The following MPV17L variants were observed in gnomAD, a reference collection of about 807,000 sequenced individuals.
MPV17L encodes the protein mpv17-like protein.
MPV17L carries 24 observed loss-of-function variants against 25.8 expected under a neutral mutation model. The ratio of observed to expected loss-of-function variants is 0.93; its 90% CI spans 0.67 to 1.31. MPV17L has a LOEUF of 1.31. Ranked by LOEUF, MPV17L falls within the 50% of genes most tolerant of loss-of-function variation. The pLI is 0.00. For missense variants in MPV17L, 250 were observed against 265.6 expected (o/e 0.94, Z 0.41); for synonymous variants, 102 against 115.3 (o/e 0.88, Z 0.74).
rs1347656586 is a variant in MPV17L at position 15,413,157 on chromosome 16, A to T, written c.*5045A>T. 4 of 152,174 alleles carry T rather than the reference A, an allele frequency of 2.6e-5. No homozygotes were observed. The highest frequency in any genetic ancestry group is 9.7e-5 in the African/African-American group (4 of 41,442). The allele number at this position is 152,174 out of a possible 1,614,324, so 9.4% of individuals were successfully genotyped here. The stretch of plus-strand genomic sequence containing the variant: ...CATCTTCTGAGAGTATTAAAAAGTT[A>T]ATGGGTTTTTGTGCCTGAAGATTTT... On this transcript the variant is annotated 3_prime_UTR_variant, in exon 4 of 4. Transcript: ENST00000396385.
chr16:15,397,819 G>GC (rs77886718), intron 1 of MPV17L, among the ~76,000 whole-genome samples: 81,669 of 151,806 alleles, frequency 0.54, 22,817 homozygotes, highest in Non-Finnish European at 0.62. Context: ...TGTCATTGCG[G>GC]CCAACTACAT....
chr16:15,407,505 T>C (rs1326946532), intron 2 of MPV17L, among the ~76,000 whole-genome samples: 2 of 57,872 alleles, frequency 3.5e-5, no homozygotes, highest in East Asian at 6.1e-4. Flanking sequence ...CACTTTGGGA[T>C]GCCGAGGTGG....
Position 15,409,815 on chromosome 16 carries a change from G to A in MPV17L, c.*1703G>A, listed in dbSNP as rs1314634615. The A allele has an allele frequency of 6.6e-6, 1 of 152,226 alleles. No individual in the cohort carries two copies. The highest frequency in any genetic ancestry group is 1.9e-4 in the East Asian group (1 of 5,198). The allele number at this position is 152,226 out of a possible 1,614,324, so 9.4% of individuals were successfully genotyped here. On this transcript the variant is annotated 3_prime_UTR_variant, in exon 4 of 4. Transcript: ENST00000396385. ...GGCATGAGCCACCGCACCTGGCTCA[G>A]TAAGTACATTTTTTATTATCAAAAA...
In MPV17L at chr16:15,407,822, A is replaced by G. The variant is rs781577467; in HGVS notation, c.382-2A>G. The G allele has an allele frequency of 1.2e-6, 2 of 1,607,864 alleles. No individual in the cohort carries two copies. Among genetic ancestry groups the G allele is most frequent in the Non-Finnish European group, 1.7e-6 (2 of 1,178,074 alleles). ...GTTGCTTTTTTTTTTTCCCAATTCCAGAGTGGACTGATGTACTGGCCCTTT... is the reference window on the plus strand; with the variant it reads ...GTTGCTTTTTTTTTTTCCCAATTCCGGAGTGGACTGATGTACTGGCCCTTT... On this transcript the variant is annotated splice_acceptor_variant, in intron 2 of 3. Transcript: ENST00000396385. LOFTEE classifies it high-confidence loss of function.
At chr16:15,403,982 T>C (rs1460532268) in intron 2 of MPV17L, among the ~76,000 whole-genome samples, 2 of 151,384 alleles carry the variant, frequency 1.3e-5, no homozygotes, top group African/African-American at 4.8e-5. Context: ...CCTCGCCAAC[T>C]TGATGAAATC....
chr16:15,406,803 G>C (rs62039095), intron 2 of MPV17L, among the ~76,000 whole-genome samples: 5,372 of 152,124 alleles, frequency 0.035, 154 homozygotes, highest in African/African-American at 0.071. Context: ...TCAGGCACCT[G>C]TGATCCCAGC....
At position 15,411,909 on chromosome 16, in the gene MPV17L, T is replaced by C. The variant is rs776958212; in HGVS notation, c.*3797T>C. 6.6e-6 allele frequency: 1 copy of C among 152,094 alleles called. No individual in the cohort carries two copies. Among genetic ancestry groups the C allele is most frequent in the Non-Finnish European group, 1.5e-5 (1 of 68,014 alleles). 9.4% of individuals were successfully genotyped at this position (152,094 alleles called of 1,614,324 possible). On this transcript the variant is annotated 3_prime_UTR_variant, in exon 4 of 4. Transcript: ENST00000396385. ...ATAGGTTGTAGTGAGCCGATAAATA[T>C]AAAAAGTATTAAAGTACTAACAGAA...
In MPV17L at chr16:15,411,113, TC is replaced by T. The variant is rs2050729595; in HGVS notation, c.*3004del. 6.6e-6 allele frequency: 1 copy of T among 152,240 alleles called. No individual in the cohort carries two copies. Among genetic ancestry groups the T allele is most frequent in the South Asian group, 2.1e-4 (1 of 4,836 alleles). The allele number at this position is 152,240 out of a possible 1,614,324, so 9.4% of individuals were successfully genotyped here. On this transcript the variant is annotated 3_prime_UTR_variant, in exon 4 of 4. Coordinates refer to ENST00000396385, the MANE Select transcript of MPV17L (RefSeq NM_001128423.2). ...TGGGCATGGTGGCGGGCGCCTGTAG[TC>T]CCAGCTGCTCTGGAGGCTGAGGCAG... is the stretch of plus-strand genomic sequence containing the variant.
chr16:15,400,982 T>G, intron 2 of MPV17L, 125 bp downstream of exon 2: 1 of 522,690 alleles, frequency 1.9e-6, no homozygotes. Flanking sequence ...TTGACACATA[T>G]AAGTACATAT....
At chr16:15,407,629 A>C (rs1177341737) in intron 2 of MPV17L, among the ~76,000 whole-genome samples, 195 bp from the exon 3 acceptor site, 3 of 152,016 alleles carry the variant, frequency 2.0e-5, no homozygotes, top group Non-Finnish European at 2.9e-5. Flanking sequence ...GTAATCGCAG[A>C]TACTCAGGAG....
intron 2 of MPV17L, among the ~76,000 whole-genome samples, chr16:15,401,282 A>G (rs1180033245): frequency 6.6e-6 from 1 of 150,656 alleles, no homozygotes. Context: ...CCAGCTAATT[A>G]TTTTTAAATT....
At chr16:15,402,545 A>G (rs1295448173) in intron 2 of MPV17L, among the ~76,000 whole-genome samples, 1 of 114,346 alleles carries the variant, frequency 8.7e-6, no homozygotes, top group African/African-American at 3.0e-5. Context: ...CTGAGCCTCT[A>G]TACTCAGGAA....
At chr16:15,405,873 C>CA (rs1314465822) in intron 2 of MPV17L, among the ~76,000 whole-genome samples, 4 of 148,494 alleles carry the variant, frequency 2.7e-5, no homozygotes, top group African/African-American at 5.0e-5. Context: ...AACTCCGTCT[C>CA]AAAAAAAATA....
chr16:15,407,522 ACCTGAGGT>A (rs962415137), intron 2 of MPV17L, among the ~76,000 whole-genome samples: 2 of 151,822 alleles, frequency 1.3e-5, no homozygotes, highest in African/African-American at 4.8e-5. Flanking sequence ...GTGGTGGATC[ACCTGAGGT>A]CGGGAGTTCG....
chr16:15,406,311 C>T (rs185846773), intron 2 of MPV17L, among the ~76,000 whole-genome samples: 5 of 151,692 alleles, frequency 3.3e-5, no homozygotes, highest in South Asian at 2.1e-4. Context: ...TATTATAAAG[C>T]TTTTATTGCA....
Position 15,411,492 on chromosome 16 carries a change from A to G in MPV17L, c.*3380A>G, listed in dbSNP as rs1165914769. 2.0e-5 allele frequency: 3 copies of G among 152,066 alleles called. No individual in the cohort carries two copies. Among genetic ancestry groups the G allele is most frequent in the Non-Finnish European group, 4.4e-5 (3 of 68,010 alleles). The allele number at this position is 152,066 out of a possible 1,614,324, so 9.4% of individuals were successfully genotyped here. The stretch of plus-strand genomic sequence containing the variant: ...AAGAGCCTGTCTCTCCAAAACCTAC[A>G]AAAATTAGCCAAGCATGGTGGTGTG... On this transcript the variant is annotated 3_prime_UTR_variant, in exon 4 of 4. Transcript: ENST00000396385.
intron 1 of MPV17L, chr16:15,399,459 G>C (rs777489747): frequency 2.2e-6 from 1 of 451,740 alleles, no homozygotes; most frequent in Non-Finnish European, 4.4e-6. Flanking sequence ...AGGCTGAAGT[G>C]CAGTGATGTG....
At chr16:15,402,660 G>GT (rs1163672015) in intron 2 of MPV17L, among the ~76,000 whole-genome samples, 4 of 152,114 alleles carry the variant, frequency 2.6e-5, no homozygotes, top group Non-Finnish European at 5.9e-5. Flanking sequence ...TTTGTTTTTT[G>GT]TTTGTGTGTT....
chr16:15,402,256 T>A (rs2050644870), intron 2 of MPV17L, among the ~76,000 whole-genome samples: 1 of 152,206 alleles, frequency 6.6e-6, no homozygotes, highest in Admixed American at 6.5e-5. Context: ...ACAGTGTCCT[T>A]AAGGCCTGGC....
Sources: allele counts gnomAD v4.1 joint callset (sites outside exome capture counted in the v4.1 genomes callset), GRCh38; gene constraint gnomAD v4.1.1; transcripts MANE v1.5; gene names NCBI Gene and HGNC (gene_info 2026-07-23, HGNC 2026-07-21).